HSD17B4: variants seen among roughly 807,000 people sequenced by gnomAD.
HSD17B4 encodes peroxisomal multifunctional enzyme type 2.
Under a neutral mutation model 101.0 loss-of-function variants are expected in HSD17B4, and 70 were observed. That is an observed-to-expected ratio of 0.69 (90% CI 0.57 to 0.85). The LOEUF (loss-of-function observed/expected upper bound fraction) is 0.85. Among genes scored for constraint, HSD17B4 ranks in the 40% least tolerant of loss-of-function variants. The pLI is 0.00. For synonymous variants in HSD17B4, 347 were observed against 297.1 expected, an observed-to-expected ratio of 1.17 and a Z score of -1.73; for missense variants, 984 against 892.4, an observed-to-expected ratio of 1.10 and a Z score of -1.31.
intron 15 of HSD17B4, among the ~76,000 whole-genome samples, chr5:119,507,185 C>T (rs1040834371): frequency 1.3e-5 from 2 of 152,094 alleles, no homozygotes; most frequent in Non-Finnish European, 2.9e-5. Context: ...ATTAAGCTTG[C>T]TGGAGTATGT....
chr5:119,483,331 G>A (rs867494277), intron 8 of HSD17B4, among the ~76,000 whole-genome samples: 3 of 152,210 alleles, frequency 2.0e-5, no homozygotes, highest in South Asian at 4.2e-4. Context: ...TTTCCTGATG[G>A]TGGTTTGCCC....
chr5:119,487,966 A>G (rs985798408), intron 8 of HSD17B4, among the ~76,000 whole-genome samples: 2 of 152,154 alleles, frequency 1.3e-5, no homozygotes, highest in African/African-American at 4.8e-5. Flanking sequence ...GAGAGCTTTT[A>G]GAGGCTATAA....
intron 22 of HSD17B4, among the ~76,000 whole-genome samples, chr5:119,535,390 A>G (rs1394889683): frequency 1.3e-5 from 2 of 151,924 alleles, no homozygotes; most frequent in Non-Finnish European, 2.9e-5. Flanking sequence ...ATCTGGGATT[A>G]TACATTACAT....
intron 8 of HSD17B4, among the ~76,000 whole-genome samples, chr5:119,483,635 TG>T (rs558525781): frequency 5.5e-4 from 84 of 152,312 alleles, no homozygotes; most frequent in Admixed American, 1.8e-3. Flanking sequence ...AAGACTTTTT[TG>T]TGTAGCTTTC....
At chr5:119,509,467 A>C in intron 16 of HSD17B4, 1 of 674,422 alleles carries the variant, frequency 1.5e-6, no homozygotes. Context: ...GAAGACCTTT[A>C]TGATGATCTA....
At position 119,456,344 on chromosome 5, in the gene HSD17B4, G is replaced by T; in HGVS notation, c.88G>T (p.Ala30Ser). 1 of 1,610,408 alleles carries T rather than the reference G, an allele frequency of 6.2e-7. No individual in the cohort carries two copies. Among genetic ancestry groups the T allele is most frequent in the Non-Finnish European group, 8.5e-7 (1 of 1,176,560 alleles). ...GGGCCGAGCCTATGCCCTGGCTTTT[G>T]CAGAAAGAGGAGCGTTAGTTGTTGG... ...GLGRAYALAF[A>S]ERGALVVVND... Residue 30 changes from alanine to serine, a missense_variant, in exon 2 of 24, where the codon GCA (alanine) becomes TCA (serine). Coordinates refer to ENST00000510025, the MANE Select transcript of HSD17B4 (RefSeq NM_000414.4).
In HSD17B4 at chr5:119,502,138, C is replaced by T. The variant is rs460945; in HGVS notation, c.1261+46C>T. The T allele has an allele frequency of 0.32, 391,460 of 1,218,444 alleles. 66,591 individuals carry two copies. The highest frequency in any genetic ancestry group is 0.41 in the Admixed American group (24,168 of 59,220). 75.5% of individuals were successfully genotyped at this position (1,218,444 alleles called of 1,614,324 possible). On this transcript the variant is annotated intron_variant, in intron 14 of 23. Coordinates refer to ENST00000510025, the MANE Select transcript of HSD17B4 (RefSeq NM_000414.4). ...TTCCATAATACCATACTTTTATTTC[C>T]AGATTAACCTTTTAAACAACATCAG...
chr5:119,532,963 A>G (rs1754242784), intron 22 of HSD17B4, among the ~76,000 whole-genome samples: 2 of 152,176 alleles, frequency 1.3e-5, no homozygotes, highest in African/African-American at 4.8e-5. Context: ...AGACAAGTAT[A>G]GAAGTAATAT....
chr5:119,501,321 T>C (rs1751141620), intron 13 of HSD17B4, among the ~76,000 whole-genome samples: 1 of 151,498 alleles, frequency 6.6e-6, no homozygotes, highest in Admixed American at 6.6e-5. Context: ...TTCCTTTTTT[T>C]TTTTTTTTAA....
rs763937684 is a variant in HSD17B4 at position 119,531,298 on chromosome 5, G to C, written c.1887G>C (p.Glu629Asp). Residue 629 changes from glutamate to aspartate, a missense_variant, in exon 22 of 24, where the codon GAG becomes GAC. Physicochemically the swap from Glu to Asp is conservative, Grantham distance 45. Coordinates refer to ENST00000510025, the MANE Select transcript of HSD17B4 (RefSeq NM_000414.4). ...GGKLQSTFVFEEIGRRLKDIG... is the reference protein window; with the variant it reads ...GGKLQSTFVFDEIGRRLKDIG... ...AGCTTCAGAGTACCTTTGTATTTGAGGAAATAGGACGCCGCCTAAAGGATA... is the reference window on the plus strand; with the variant it reads ...AGCTTCAGAGTACCTTTGTATTTGACGAAATAGGACGCCGCCTAAAGGATA... 1 of 1,613,658 alleles carries C rather than the reference G, an allele frequency of 6.2e-7. No homozygotes were observed. The highest frequency in any genetic ancestry group is 8.5e-7 in the Non-Finnish European group (1 of 1,179,732).
chr5:119,530,547 T>A lies in HSD17B4; in HGVS notation c.1854+567T>A, dbSNP rs374450984. Among the ~76,000 whole-genome samples the A allele has an allele frequency of 4.9e-5, 7 of 142,030 alleles. No homozygotes were observed. The South Asian group carries it at 1.5e-3, about 31-fold the overall frequency. The allele number at this position is 142,030 out of a possible 152,430, so 93.2% of individuals were successfully genotyped here. A position where few individuals can be genotyped will look rare whatever the true frequency, so the allele number is the denominator to read the frequency against. On this transcript the variant is annotated intron_variant, in intron 21 of 23. Transcript: ENST00000510025. ...ACTGAAAATTAAAATCCCTTAAGAA[T>A]AGTCTAAGAAAAAAAAAAACTTAGA...
chr5:119,453,046 T>A (rs1222200714), intron 1 of HSD17B4, among the ~76,000 whole-genome samples: 1 of 152,252 alleles, frequency 6.6e-6, no homozygotes, highest in Non-Finnish European at 1.5e-5. Context: ...ATTCGCCCCC[T>A]GAAGCGCAGA....
chr5:119,498,467 CTTTTA>C (rs1254146128), intron 12 of HSD17B4, among the ~76,000 whole-genome samples: 1 of 152,172 alleles, frequency 6.6e-6, no homozygotes, highest in African/African-American at 2.4e-5. Context: ...GGACATTATT[CTTTTA>C]TATGTACTTC....
At chr5:119,504,465 A>G (rs904424785) in intron 14 of HSD17B4, among the ~76,000 whole-genome samples, 1 of 152,144 alleles carries the variant, frequency 6.6e-6, no homozygotes, top group African/African-American at 2.4e-5. Flanking sequence ...ACTTTTTAGT[A>G]ATAGCCATTC....
intron 23 of HSD17B4, among the ~76,000 whole-genome samples, chr5:119,538,287 T>C (rs1359357042): frequency 6.6e-6 from 1 of 152,162 alleles, no homozygotes; most frequent in African/African-American, 2.4e-5. Context: ...TGTCTGATCT[T>C]TCTCCAAAAT....
rs1300035795 is a variant in HSD17B4, at chr5:119,493,959, C to G, written c.868+13C>G. 1.2e-6 allele frequency: 2 copies of G among 1,612,508 alleles called. No individual in the cohort carries two copies. Among genetic ancestry groups the G allele is most frequent in the African/African-American group, 1.3e-5 (1 of 74,908 alleles). On this transcript the variant is annotated intron_variant, in intron 11 of 23. Coordinates refer to ENST00000510025, the MANE Select transcript of HSD17B4 (RefSeq NM_000414.4). ...CAGAGTATCCAAGGTAAAGAGAGTCCCCGTCACTTAGCCCTGGTTGGGGAA... is the reference window on the plus strand; with the variant it reads ...CAGAGTATCCAAGGTAAAGAGAGTCGCCGTCACTTAGCCCTGGTTGGGGAA...
chr5:119,474,043 T>A (rs1748322450), intron 3 of HSD17B4, 28 bp downstream of exon 3: 12 of 1,139,034 alleles, frequency 1.1e-5, no homozygotes, highest in Non-Finnish European at 1.6e-5. Flanking sequence ...ACTATACTAT[T>A]TATTTTCCTT....
At chr5:119,481,604 A>G (rs144518297) in intron 8 of HSD17B4, among the ~76,000 whole-genome samples, 4 of 152,292 alleles carry the variant, frequency 2.6e-5, no homozygotes, top group African/African-American at 7.2e-5. Flanking sequence ...TAGATGTGCA[A>G]TAGCATTATG....
intron 21 of HSD17B4, among the ~76,000 whole-genome samples, chr5:119,530,575 G>A (rs551738638): frequency 2.0e-5 from 3 of 150,930 alleles, no homozygotes; most frequent in South Asian, 2.1e-4. Context: ...AACTTAGAGC[G>A]GGCTCGGTGC....
Sources: gnomAD v4.1 joint callset for allele counts (sites outside exome capture counted in the v4.1 genomes callset) on GRCh38, gnomAD v4.1.1 for gene constraint, MANE v1.5 for transcripts, NCBI Gene and HGNC (gene_info 2026-07-23, HGNC 2026-07-21) for gene names.